Variants in PRSS23 observed in about 807,000 individuals in gnomAD.
PRSS23 encodes the protein serine protease 23.
Under a neutral mutation model 34.7 loss-of-function variants are expected in PRSS23, and 25 were observed. The ratio of observed to expected loss-of-function variants is 0.72; its 90% CI spans 0.53 to 1.01. PRSS23 has a LOEUF of 1.01. Ranked by LOEUF, PRSS23 falls within the 50% of genes least tolerant of loss-of-function variation. The pLI, the probability that PRSS23 is intolerant of heterozygous loss-of-function variation, is 0.00. For missense variants in PRSS23, 445 were observed against 475.6 expected (o/e 0.94, Z 0.60); for synonymous variants, 176 against 186.6 (o/e 0.94, Z 0.46).
intron 2 of PRSS23, chr11:86,921,216 G>C (rs1265858301): frequency 6.6e-6 from 1 of 152,110 alleles, no homozygotes; most frequent in African/African-American, 2.4e-5. Context: ...CAACTAGTGA[G>C]GTCTCAGCTT....
chr11:86,849,005 C>G (rs1185511313), intron 2 of PRSS23, among the ~76,000 whole-genome samples: 1 of 152,156 alleles, frequency 6.6e-6, no homozygotes, highest in Non-Finnish European at 1.5e-5. Flanking sequence ...TAGCACTGCC[C>G]CAGAGGATGA....
intron 2 of PRSS23, among the ~76,000 whole-genome samples, chr11:86,903,801 A>G (rs367777711): frequency 1.3e-5 from 2 of 152,106 alleles, no homozygotes; most frequent in African/African-American, 4.8e-5. Flanking sequence ...ATCTTTTAAA[A>G]TCTTTTTGAA....
At chr11:86,941,448 T>C (rs1949206858) in intron 2 of PRSS23, among the ~76,000 whole-genome samples, 1 of 151,994 alleles carries the variant, frequency 6.6e-6, no homozygotes, top group Non-Finnish European at 1.5e-5. Context: ...CCCAGGACAG[T>C]GGCTGGCACA....
chr11:86,916,763 C>T (rs1007061559), intron 2 of PRSS23, among the ~76,000 whole-genome samples: 3 of 152,106 alleles, frequency 2.0e-5, no homozygotes, highest in African/African-American at 7.2e-5. Context: ...AAGAGGCCAG[C>T]TTGTTTGACC....
chr11:86,807,944 G>A lies in PRSS23; in HGVS notation c.301G>A (p.Val101Met). 1 of 1,614,138 alleles carries A rather than the reference G, an allele frequency of 6.2e-7. No individual in the cohort carries two copies. The highest frequency in any genetic ancestry group is 1.3e-5 in the African/African-American group (1 of 75,030). The part of the protein sequence containing the change: ...YANGSRTETQ[V>M]GIYILSSSGD... ...CAATGGCAGCCGCACAGAGACGCAGGTGGGCATCTACATCCTCAGCAGTAG... is the reference window on the plus strand; with the variant it reads ...CAATGGCAGCCGCACAGAGACGCAGATGGGCATCTACATCCTCAGCAGTAG... Residue 101 changes from valine (V) to methionine (M), a missense_variant, in exon 2 of 2, where the codon GTG (valine) becomes ATG (methionine). Val to Met is a conservative substitution (Grantham distance 21). Transcript: ENST00000280258.
At chr11:86,816,335 G>A (rs898663879) in intron 1 of PRSS23, among the ~76,000 whole-genome samples, 12 of 152,224 alleles carry the variant, frequency 7.9e-5, no homozygotes, top group South Asian at 2.1e-4. Flanking sequence ...GTGTTCATGC[G>A]TCTTCTCCTT....
intron 2 of PRSS23, among the ~76,000 whole-genome samples, chr11:86,838,588 C>T (rs1948424539): frequency 6.6e-6 from 1 of 152,200 alleles, no homozygotes; most frequent in Non-Finnish European, 1.5e-5. Flanking sequence ...CAGACTTAAA[C>T]ATCCCTGTCT....
chr11:86,880,283 C>G (rs1382242905), intron 2 of PRSS23, among the ~76,000 whole-genome samples: 1 of 149,926 alleles, frequency 6.7e-6, no homozygotes, highest in Non-Finnish European at 1.5e-5. Context: ...TCCCTAATCT[C>G]AAGTACCCAG....
At chr11:86,854,305 A>G (rs573046155) in intron 2 of PRSS23, among the ~76,000 whole-genome samples, 1 of 152,134 alleles carries the variant, frequency 6.6e-6, no homozygotes, top group African/African-American at 2.4e-5. Flanking sequence ...TGGCCGCTAT[A>G]TCTTCTTTAG....
At position 86,893,373 on chromosome 11, in the gene PRSS23, A is replaced by G. The variant is rs144688729; in HGVS notation, c.207-57843A>G. ...CTGAATCCAAAGCTTCGCAAATTAT[A>G]CTTACTGTGTGTTATGCACTATGAT... On this transcript the variant is annotated intron_variant, in intron 2 of 2. Transcript: ENST00000533902. 3.3e-5 allele frequency among the ~76,000 whole-genome samples: 5 copies of G among 152,340 alleles called. No homozygotes were observed. The East Asian group carries it at 9.6e-4, about 29-fold the overall frequency.
intron 2 of PRSS23, among the ~76,000 whole-genome samples, chr11:86,841,888 T>C (rs1389108024): frequency 2.0e-5 from 3 of 152,216 alleles, no homozygotes; most frequent in African/African-American, 7.2e-5. Context: ...TCTGAAACTA[T>C]TCCAATCAAC....
At chr11:86,823,385 C>G (rs1307595528) in exon 2 of PRSS23, 1 of 702,320 alleles carries the variant, frequency 1.4e-6, no homozygotes, top group Non-Finnish European at 2.6e-6. Flanking sequence ...AGATGGCTCC[C>G]TAATGAGTAG....
chr11:86,876,637 C>A (rs893408188), intron 2 of PRSS23, among the ~76,000 whole-genome samples: 3 of 152,078 alleles, frequency 2.0e-5, no homozygotes, highest in Admixed American at 2.0e-4. Context: ...CACAGACCTA[C>A]TGAATCAGAG....
intron 1 of PRSS23, among the ~76,000 whole-genome samples, chr11:86,802,769 GTGT>G (rs923706412): frequency 6.6e-6 from 1 of 152,188 alleles, no homozygotes; most frequent in African/African-American, 2.4e-5. Flanking sequence ...GAGGAGACCT[GTGT>G]TGTTGCAGTT....
intron 2 of PRSS23, among the ~76,000 whole-genome samples, chr11:86,850,220 T>C (rs968080130): frequency 1.3e-5 from 2 of 152,142 alleles, no homozygotes; most frequent in Non-Finnish European, 2.9e-5. Flanking sequence ...ACAAATGGAA[T>C]CTCAAATGAG....
intron 2 of PRSS23, among the ~76,000 whole-genome samples, chr11:86,883,395 A>G (rs1391177738): frequency 6.6e-6 from 1 of 152,266 alleles, no homozygotes; most frequent in Non-Finnish European, 1.5e-5. Flanking sequence ...CAATGGGGAA[A>G]GGATTCCCTA....
intron 2 of PRSS23, among the ~76,000 whole-genome samples, chr11:86,861,000 G>A (rs560167171): frequency 2.0e-5 from 3 of 151,502 alleles, no homozygotes; most frequent in South Asian, 4.2e-4. Context: ...AATATCCACC[G>A]GGGGTGAGAA....
intron 2 of PRSS23, chr11:86,933,488 A>C (rs1397407574): frequency 6.6e-6 from 1 of 152,262 alleles, no homozygotes; most frequent in African/African-American, 2.4e-5. Context: ...AGAGAAGTAG[A>C]AAAGAGGAAG....
At chr11:86,881,146 T>C (rs1295008077) in intron 2 of PRSS23, among the ~76,000 whole-genome samples, 1 of 152,200 alleles carries the variant, frequency 6.6e-6, no homozygotes, top group East Asian at 1.9e-4. Context: ...GCTTTCAGTC[T>C]TTCACCTATT....
Sources: gnomAD v4.1 joint callset for allele counts (sites outside exome capture counted in the v4.1 genomes callset) on GRCh38, gnomAD v4.1.1 for gene constraint, MANE v1.5 for transcripts, NCBI Gene and HGNC (gene_info 2026-07-23, HGNC 2026-07-21) for gene names.